GEMIN7: variants seen among roughly 807,000 people sequenced by gnomAD.
GEMIN7 encodes gem nuclear organelle associated protein 7.
Under a neutral mutation model 7.8 loss-of-function variants are expected in GEMIN7, and 7 were observed. That is an observed-to-expected ratio of 0.90 (90% CI 0.51 to 1.69). The LOEUF is 1.69. GEMIN7 is among the 40% of genes most tolerant of loss of function. The probability of loss-of-function intolerance (pLI) is 0.00; values close to 1 mark genes in which losing one functional copy is unlikely to be tolerated. For synonymous variants in GEMIN7, 68 were observed against 72.4 expected (o/e 0.94, Z 0.31); for missense variants, 159 against 176.2 (o/e 0.90, Z 0.55).
At chr19:45,075,860 G>A (rs987582717), upstream of GEMIN7, 3 of 1,613,902 alleles carry the variant, frequency 1.9e-6, no homozygotes, top group South Asian at 1.1e-5. Flanking sequence ...CAGGGCTGGC[G>A]GTCTGCAGGG....
At chr19:45,082,426 C>T (rs561975635) in intron 2 of GEMIN7, among the ~76,000 whole-genome samples, 1 of 152,282 alleles carries the variant, frequency 6.6e-6, no homozygotes, top group African/African-American at 2.4e-5. Context: ...CTCTGGACTC[C>T]TTCATTCCAG....
At chr19:45,076,224 G>T (rs761618699), upstream of GEMIN7, 52 of 1,507,886 alleles carry the variant, frequency 3.4e-5, no homozygotes, top group Middle Eastern at 3.6e-4. The surrounding 1 kb of genome is among the most constrained non-coding windows in gnomAD (Gnocchi z 4.9). Context: ...TCGGGGAGAA[G>T]GGCCCCAGCC....
At chr19:45,082,825 T>G (rs1056016173) in intron 2 of GEMIN7, among the ~76,000 whole-genome samples, 3 of 151,232 alleles carry the variant, frequency 2.0e-5, no homozygotes, top group Admixed American at 6.6e-5. Context: ...TTTGCTATAT[T>G]GCTCAGGCTG....
chr19:45,090,548 C>T lies in GEMIN7; in HGVS notation c.*38C>T. On this transcript the variant is annotated 3_prime_UTR_variant, in exon 3 of 3. Coordinates refer to ENST00000270257, the MANE Select transcript of GEMIN7 (RefSeq NM_024707.3). ...CACTTTTCTGCTTGAGGCTAAGGCA[C>T]TGTATCCCAGGCCTCCCAATGTTCC... is the stretch of plus-strand genomic sequence containing the variant. 1 of 1,563,094 alleles carries T rather than the reference C, an allele frequency of 6.4e-7. No homozygotes were observed. Among genetic ancestry groups the T allele is most frequent in the Non-Finnish European group, 8.7e-7 (1 of 1,146,094 alleles).
Position 45,090,139 on chromosome 19 carries a change from G to A in GEMIN7, c.25G>A (p.Val9Met), listed in dbSNP as rs755954310. The stretch of plus-strand genomic sequence containing the variant: ...AATGCAAACTCCAGTGAACATTCCC[G>A]TGCCTGTGCTCCGGCTGCCCCGGGG... MQTPVNIP[V>M]PVLRLPRGPD... The change falls in exon 3 of 3, where the codon GTG (valine) becomes ATG (methionine). Residue 9 changes from valine (V) to methionine (M), a missense_variant. Physicochemically the swap from Val to Met is conservative, Grantham distance 21. Transcript: ENST00000270257. The A allele has an allele frequency of 3.7e-6, 6 of 1,613,128 alleles. No individual in the cohort carries two copies. The highest frequency in any genetic ancestry group is 1.1e-5 in the South Asian group (1 of 91,082).
chr19:45,089,714 C>T (rs1319483299), intron 2 of GEMIN7, among the ~76,000 whole-genome samples: 3 of 152,170 alleles, frequency 2.0e-5, no homozygotes, highest in East Asian at 1.9e-4. Flanking sequence ...AATGGGGTCT[C>T]GCTATATTGC....
intron 2 of GEMIN7, among the ~76,000 whole-genome samples, chr19:45,080,314 C>T (rs570334302): frequency 4.3e-4 from 66 of 151,988 alleles, no homozygotes; most frequent in African/African-American, 1.6e-3. Context: ...ACATGGGGCA[C>T]GGGTGAGGAC....
At chr19:45,082,975 CA>C (rs369993095) in intron 2 of GEMIN7, among the ~76,000 whole-genome samples, 60 of 152,106 alleles carry the variant, frequency 3.9e-4, no homozygotes, top group African/African-American at 1.4e-3. Flanking sequence ...TTCAGTGTCC[CA>C]GTAAGTAAGG....
intron 1 of GEMIN7, among the ~76,000 whole-genome samples, chr19:45,079,684 A>G (rs1171519170): frequency 3.3e-5 from 5 of 152,008 alleles, no homozygotes; most frequent in African/African-American, 1.2e-4. Flanking sequence ...GGCCGGGAGG[A>G]CCTACTTAGT....
rs768169248 is a variant in GEMIN7 at position 45,090,583 on chromosome 19, A to G, written c.*73A>G. On this transcript the variant is annotated 3_prime_UTR_variant, in exon 3 of 3. Coordinates refer to ENST00000270257, the MANE Select transcript of GEMIN7 (RefSeq NM_024707.3). ...GGCCTCCCAATGTTCCCGAGCCAGG[A>G]ACTCTGGGCCCCATGGAGTTATGAG... 1.4e-6 allele frequency: 2 copies of G among 1,457,912 alleles called. No homozygotes were observed. The highest frequency in any genetic ancestry group is 1.9e-6 in the Non-Finnish European group (2 of 1,066,744). 90.3% of individuals were successfully genotyped at this position (1,457,912 alleles called of 1,614,324 possible). A position where few individuals can be genotyped will look rare whatever the true frequency, so the allele number is the denominator to read the frequency against.
At position 45,091,248 on chromosome 19, in the gene GEMIN7, T is replaced by C. The variant is rs897307582; in HGVS notation, c.*738T>C. The C allele has an allele frequency of 1.2e-5, 2 of 167,138 alleles. No homozygotes were observed. The highest frequency in any genetic ancestry group is 2.9e-5 in the Non-Finnish European group (2 of 68,134). 10.4% of individuals were successfully genotyped at this position (167,138 alleles called of 1,614,324 possible). ...CGACAGCAGATTCGCTGTCCCCTCG[T>C]TGGAGGCGAATGGTCGGACCCCGAG... On this transcript the variant is annotated 3_prime_UTR_variant, in exon 3 of 3. Coordinates refer to ENST00000270257, the MANE Select transcript of GEMIN7 (RefSeq NM_024707.3).
At chr19:45,076,529 G>T, upstream of GEMIN7, 2 of 495,698 alleles carry the variant, frequency 4.0e-6, no homozygotes, top group Non-Finnish European at 6.1e-6. The surrounding 1 kb of genome is among the most constrained non-coding windows in gnomAD (Gnocchi z 4.9). Context: ...CCGTGGCTCC[G>T]CCTACCAGGG....
At chr19:45,075,894 G>A (rs780433716), upstream of GEMIN7, 1 of 1,612,338 alleles carries the variant, frequency 6.2e-7, no homozygotes, top group South Asian at 1.1e-5. Flanking sequence ...TGAGCGTGGG[G>A]TGGGGCCAGG....
intron 1 of GEMIN7, among the ~76,000 whole-genome samples, chr19:45,079,615 G>T (rs1033982519): frequency 1.3e-5 from 2 of 152,260 alleles, no homozygotes; most frequent in African/African-American, 4.8e-5. Flanking sequence ...TCTGAGCCTG[G>T]AGGTGGGAAG....
At chr19:45,076,230 C>T, upstream of GEMIN7, 3 of 1,509,856 alleles carry the variant, frequency 2.0e-6, no homozygotes, top group Non-Finnish European at 2.6e-6. The surrounding 1 kb of genome is among the most constrained non-coding windows in gnomAD (Gnocchi z 4.9). Flanking sequence ...AGAAGGGCCC[C>T]AGCCTTGGGG....
chr19:45,083,491 G>T (rs535092671), intron 2 of GEMIN7, among the ~76,000 whole-genome samples: 8 of 152,036 alleles, frequency 5.3e-5, no homozygotes, highest in Admixed American at 3.9e-4. Flanking sequence ...CCACCTATGG[G>T]CATGTGAGAT....
At chr19:45,075,647 AGCC>A, upstream of GEMIN7, 1 of 1,578,072 alleles carries the variant, frequency 6.3e-7, no homozygotes, top group South Asian at 1.1e-5. Context: ...CGTCCAGCCC[AGCC>A]CCTTTCCAGC....
At chr19:45,082,255 T>C (rs1304749485) in intron 2 of GEMIN7, among the ~76,000 whole-genome samples, 2 of 152,208 alleles carry the variant, frequency 1.3e-5, no homozygotes, top group Non-Finnish European at 2.9e-5. Flanking sequence ...AGCCACCCTT[T>C]CCATGATCTT....
Position 45,090,439 on chromosome 19 carries a change from A to G in GEMIN7, c.325A>G (p.Thr109Ala), listed in dbSNP as rs1315124213. The G allele has an allele frequency of 1.6e-5, 26 of 1,613,878 alleles. No homozygotes were observed. Among genetic ancestry groups the G allele is most frequent in the Non-Finnish European group, 2.0e-5 (24 of 1,179,998 alleles). ...CAACTTCTACGTGTCACAGCTGCAGACTCCCATAGGTGTGCAAGCAGAGGC... is the reference window on the plus strand; with the variant it reads ...CAACTTCTACGTGTCACAGCTGCAGGCTCCCATAGGTGTGCAAGCAGAGGC... ...VANFYVSQLQ[T>A]PIGVQAEALL... Residue 109 changes from threonine to alanine, a missense_variant, in exon 3 of 3, where the codon ACT becomes GCT. By Grantham distance (58) the Thr-to-Ala change is moderately conservative. Transcript: ENST00000270257.
Sources: allele counts gnomAD v4.1 joint callset (sites outside exome capture counted in the v4.1 genomes callset), GRCh38; gene constraint gnomAD v4.1.1; non-coding constraint Gnocchi (gnomAD v3.1); transcripts MANE v1.5; gene names NCBI Gene and HGNC (gene_info 2026-07-23, HGNC 2026-07-21).